CNDP1: variants seen among roughly 807,000 people sequenced by gnomAD.
CNDP1 encodes the protein beta-Ala-His dipeptidase.
A neutral mutation model predicts 58.1 loss-of-function variants in CNDP1; 44 were observed. The observed-to-expected ratio is 0.76, with a 90% CI of 0.60 to 0.97. CNDP1 has a LOEUF of 0.97. Among genes scored for constraint, CNDP1 ranks in the 50% least tolerant of loss-of-function variants. The pLI, the probability that CNDP1 is intolerant of heterozygous loss-of-function variation, is 0.00. For synonymous variants in CNDP1, 254 were observed against 252.6 expected (o/e 1.01, Z -0.05); for missense variants, 616 against 655.1 (o/e 0.94, Z 0.65).
intron 1 of CNDP1, among the ~76,000 whole-genome samples, chr18:74,547,891 C>G (rs1417902950): frequency 6.6e-6 from 1 of 152,174 alleles, no homozygotes; most frequent in African/African-American, 2.4e-5. Flanking sequence ...GCACTTGGAA[C>G]TTTTGTTCCA....
Position 74,560,838 on chromosome 18 carries a change from T to C in CNDP1, c.304-18T>C, listed in dbSNP as rs1318929808. On this transcript the variant is annotated intron_variant, in intron 3 of 11. Coordinates refer to ENST00000358821, the MANE Select transcript of CNDP1 (RefSeq NM_032649.6). Reference sequence around the variant, plus strand: ...CAACACAGCATTTTTGAAAATGTGATTCCTGATCATTCTGCAGCTGCCCGA... The same window carrying C: ...CAACACAGCATTTTTGAAAATGTGACTCCTGATCATTCTGCAGCTGCCCGA... The C allele has an allele frequency of 1.9e-6, 3 of 1,606,580 alleles. No homozygotes were observed. The highest frequency in any genetic ancestry group is 2.6e-6 in the Non-Finnish European group (3 of 1,173,494).
Position 74,577,034 on chromosome 18 carries a change from G to A in CNDP1, c.1002+5G>A. 1.2e-6 allele frequency: 2 copies of A among 1,603,340 alleles called. No individual in the cohort carries two copies. Among genetic ancestry groups the A allele is most frequent in the Non-Finnish European group, 1.7e-6 (2 of 1,174,932 alleles). ...AAATTTCTGTTCGATACTAAGGTAT[G>A]GCCACAGACTGATGGATAAGCTGGA... On this transcript the variant is annotated splice_donor_5th_base_variant and intron_variant, in intron 8 of 11. Coordinates refer to ENST00000358821, the MANE Select transcript of CNDP1 (RefSeq NM_032649.6).
chr18:74,572,790 C>CAAAAAAAAAAAAAAAAAAAAAA (rs56059264), intron 7 of CNDP1, among the ~76,000 whole-genome samples: 2 of 60,070 alleles, frequency 3.3e-5, no homozygotes, highest in African/African-American at 7.1e-5. Flanking sequence ...GACCCTGTAT[C>CAAAAAAAAAAAAAAAAAAAAAA]AAAAAAAAAA....
chr18:74,564,787 C>T (rs1280290384), intron 5 of CNDP1, among the ~76,000 whole-genome samples: 2 of 152,190 alleles, frequency 1.3e-5, no homozygotes, highest in Non-Finnish European at 2.9e-5. Context: ...TTGAATTCTC[C>T]TTCACAATCG....
chr18:74,561,969 C>T (rs1191353386), intron 4 of CNDP1, 78 bp from the exon 5 acceptor site: 3 of 1,158,476 alleles, frequency 2.6e-6, no homozygotes, highest in Non-Finnish European at 2.6e-6. Flanking sequence ...CATCAGTACC[C>T]ATGAAACGAC....
At chr18:74,567,102 A>G (rs4891562) in intron 5 of CNDP1, 131 bp from the exon 6 acceptor site, 7 of 694,772 alleles carry the variant, frequency 1.0e-5, no homozygotes, top group South Asian at 6.9e-5. Context: ...CCATGATTCA[A>G]TTACCTCCCC....
chr18:74,583,050 G>A (rs1981826092), intron 10 of CNDP1, among the ~76,000 whole-genome samples: 1 of 151,984 alleles, frequency 6.6e-6, no homozygotes, highest in Non-Finnish European at 1.5e-5. Flanking sequence ...TCTGTCACCC[G>A]GGCCTGAGTG....
In CNDP1 at chr18:74,584,613, C is replaced by G; in HGVS notation, c.*51C>G. On this transcript the variant is annotated 3_prime_UTR_variant, in exon 12 of 12. Coordinates refer to ENST00000358821, the MANE Select transcript of CNDP1 (RefSeq NM_032649.6). ...GATCCACTGACAGATTCACCTCCCC[C>G]ACATCCCTAGACAGGGATGGAATGT... 2 of 1,372,998 alleles carry G rather than the reference C, an allele frequency of 1.5e-6. No individual in the cohort carries two copies. The highest frequency in any genetic ancestry group is 2.1e-6 in the Non-Finnish European group (2 of 960,042). 85.1% of individuals were successfully genotyped at this position (1,372,998 alleles called of 1,614,324 possible). A position where few individuals can be genotyped will look rare whatever the true frequency, so the allele number is the denominator to read the frequency against.
Position 74,585,347 on chromosome 18 carries a change from A to T in CNDP1, c.*785A>T, listed in dbSNP as rs1981884423. 1.3e-5 allele frequency: 2 copies of T among 152,222 alleles called. No homozygotes were observed. The highest frequency in any genetic ancestry group is 4.1e-4 in the South Asian group (2 of 4,836). The allele number at this position is 152,222 out of a possible 1,614,324, so 9.4% of individuals were successfully genotyped here. The stretch of plus-strand genomic sequence containing the variant: ...CACAGGTTGCACCAGAGCAGAATTT[A>T]TCCTGATAGAATTTCTCTCACCCCA... On this transcript the variant is annotated 3_prime_UTR_variant, in exon 12 of 12. Coordinates refer to ENST00000358821, the MANE Select transcript of CNDP1 (RefSeq NM_032649.6).
intron 7 of CNDP1, among the ~76,000 whole-genome samples, chr18:74,573,430 A>ATCC (rs560442671): frequency 0.64 from 96,507 of 151,434 alleles, 31,511 homozygotes; most frequent in African/African-American, 0.76. Context: ...CCATCCATCC[A>ATCC]ACTATCTATC....
At chr18:74,583,757 CA>C in intron 11 of CNDP1, 49 bp downstream of exon 11, 2 of 1,587,228 alleles carry the variant, frequency 1.3e-6, no homozygotes, top group Admixed American at 1.7e-5. Flanking sequence ...CTTTACTGCA[CA>C]CACCCGGGTC....
rs200450632 is a variant in CNDP1 at position 74,578,286 on chromosome 18, C to T, written c.1126C>T (p.Arg376Cys). ...PGRVIGKFSI[R>C]LVPHMNVSAV... ...CCGAGTTATAGGAAAATTTTCAATCCGTCTAGTCCCTCACATGAATGTGTC... is the reference window on the plus strand; with the variant it reads ...CCGAGTTATAGGAAAATTTTCAATCTGTCTAGTCCCTCACATGAATGTGTC... The change falls in exon 9 of 12, where the codon CGT becomes TGT. Residue 376 changes from arginine (R) to cysteine (C), a missense_variant. Arg to Cys is a radical substitution (Grantham distance 180). Transcript: ENST00000358821. 1.1e-4 allele frequency: 183 copies of T among 1,613,140 alleles called. No homozygotes were observed. Among genetic ancestry groups the T allele is most frequent in the Middle Eastern group, 1.6e-4 (1 of 6,082 alleles).
chr18:74,559,919 C>T (rs762281219), intron 3 of CNDP1, among the ~76,000 whole-genome samples: 6 of 152,018 alleles, frequency 3.9e-5, no homozygotes, highest in East Asian at 3.9e-4. Flanking sequence ...TCTAAGCACC[C>T]GCTGCGCTTA....
chr18:74,562,234 C>G, intron 5 of CNDP1, 99 bp downstream of exon 5: 3 of 998,824 alleles, frequency 3.0e-6, no homozygotes, highest in Non-Finnish European at 4.7e-6. Flanking sequence ...CCTTAGGTCA[C>G]TTACTCGCCC....
At chr18:74,578,368 A>T (rs1352387218) in intron 9 of CNDP1, 41 bp downstream of exon 9, 5 of 1,556,310 alleles carry the variant, frequency 3.2e-6, no homozygotes, top group Non-Finnish European at 4.4e-6. Flanking sequence ...TTTCAGTAAC[A>T]TGGTTTCTGA....
chr18:74,584,762 C>T lies in CNDP1; in HGVS notation c.*200C>T. ...GATGTTGGAAATGGTTTAAGGTCCC[C>T]CACTGCACACCTTCCTCAAGTCATA... On this transcript the variant is annotated 3_prime_UTR_variant, in exon 12 of 12. Coordinates refer to ENST00000358821, the MANE Select transcript of CNDP1 (RefSeq NM_032649.6). The T allele has an allele frequency of 3.7e-6, 2 of 537,700 alleles. No homozygotes were observed. The highest frequency in any genetic ancestry group is 6.3e-5 in the Admixed American group (2 of 31,714). 33.3% of individuals were successfully genotyped at this position (537,700 alleles called of 1,614,324 possible).
intron 1 of CNDP1, among the ~76,000 whole-genome samples, chr18:74,541,664 G>A (rs2144639553): frequency 6.6e-6 from 1 of 152,292 alleles, no homozygotes; most frequent in Middle Eastern, 3.4e-3. Flanking sequence ...GCTGGAGCAG[G>A]GGACCTGAGC....
intron 1 of CNDP1, among the ~76,000 whole-genome samples, chr18:74,540,145 T>A (rs1020758437): frequency 1.3e-5 from 2 of 151,728 alleles, no homozygotes; most frequent in Non-Finnish European, 2.9e-5. Flanking sequence ...TTTACATTTG[T>A]GTGGTATAAA....
At chr18:74,573,346 A>G (rs1981538092) in intron 7 of CNDP1, among the ~76,000 whole-genome samples, 1 of 151,890 alleles carries the variant, frequency 6.6e-6, no homozygotes, top group African/African-American at 2.4e-5. Context: ...CTATCCATCC[A>G]TCCATTCATT....
Sources: allele counts gnomAD v4.1 joint callset (sites outside exome capture counted in the v4.1 genomes callset), GRCh38; gene constraint gnomAD v4.1.1; transcripts MANE v1.5; gene names NCBI Gene and HGNC (gene_info 2026-07-23, HGNC 2026-07-21).